The following AGAP1 variants were observed in gnomAD, a reference collection of about 807,000 sequenced individuals.
The protein encoded by AGAP1 is ArfGAP with GTPase domain, ankyrin repeat and PH domain 1.
A neutral mutation model predicts 105.3 loss-of-function variants in AGAP1; 29 were observed. The ratio of observed to expected loss-of-function variants is 0.28; its 90% CI spans 0.21 to 0.38. The LOEUF (loss-of-function observed/expected upper bound fraction) is 0.38. Ranked by LOEUF, AGAP1 falls within the 10% of genes least tolerant of loss-of-function variation. AGAP1 has a pLI of 1.00. For synonymous variants in AGAP1, 509 were observed against 485.9 expected, an observed-to-expected ratio of 1.05 and a Z score of -0.63; for missense variants, 998 against 1,165.1, an observed-to-expected ratio of 0.86 and a Z score of 2.09.
chr2:236,100,917 G>A (rs1345087347), intron 16 of AGAP1, among the ~76,000 whole-genome samples: 2 of 152,056 alleles, frequency 1.3e-5, no homozygotes, highest in Non-Finnish European at 2.9e-5. Context: ...CATCCAGTCT[G>A]TAATAAAATT....
At chr2:235,932,796 C>T (rs985003645) in intron 12 of AGAP1, among the ~76,000 whole-genome samples, 1 of 152,178 alleles carries the variant, frequency 6.6e-6, no homozygotes, top group Non-Finnish European at 1.5e-5. Flanking sequence ...GTTTCCACAC[C>T]GCCACATCGT....
chr2:235,562,395 C>G (rs967073592), intron 1 of AGAP1, among the ~76,000 whole-genome samples: 5 of 152,106 alleles, frequency 3.3e-5, no homozygotes, highest in South Asian at 2.1e-4. Flanking sequence ...CCGAAGCCCC[C>G]TCCCTCTTGT....
At chr2:235,832,590 T>C (rs1464263044) in intron 9 of AGAP1, among the ~76,000 whole-genome samples, 1 of 152,248 alleles carries the variant, frequency 6.6e-6, no homozygotes, top group African/African-American at 2.4e-5. Context: ...CATTCTAGAC[T>C]TCATTGCAGC....
intron 9 of AGAP1, among the ~76,000 whole-genome samples, chr2:235,880,822 G>C (rs2049983993): frequency 6.6e-6 from 1 of 152,132 alleles, no homozygotes; most frequent in Non-Finnish European, 1.5e-5. Flanking sequence ...CACTGAAGAG[G>C]GGTCTCTCAT....
intron 9 of AGAP1, among the ~76,000 whole-genome samples, chr2:235,828,300 G>T (rs1959169318): frequency 6.6e-6 from 1 of 151,948 alleles, no homozygotes; most frequent in African/African-American, 2.4e-5. Flanking sequence ...TCTTTTTTTG[G>T]TCACCAGTGT....
chr2:235,656,332 A>G (rs2149331876), intron 1 of AGAP1, among the ~76,000 whole-genome samples: 1 of 152,346 alleles, frequency 6.6e-6, no homozygotes, highest in African/African-American at 2.4e-5. Flanking sequence ...GGTTTACATG[A>G]AGCTAATTGT....
chr2:235,562,451 C>T lies in AGAP1; in HGVS notation c.163+67602C>T, dbSNP rs192425362. Among the ~76,000 whole-genome samples the T allele has an allele frequency of 2.0e-3, 310 of 152,170 alleles. 4 individuals carry two copies. Among genetic ancestry groups the T allele is most frequent in the African/African-American group, 7.0e-3 (291 of 41,506 alleles). Reference sequence around the variant, plus strand: ...CTGTTCCTGAATAGCACGGATTGCACGTGTTTCTGAGCATGGTGTGTGAGA... The same window carrying T: ...CTGTTCCTGAATAGCACGGATTGCATGTGTTTCTGAGCATGGTGTGTGAGA... On this transcript the variant is annotated intron_variant, in intron 1 of 17. Transcript: ENST00000304032.
In AGAP1 at chr2:236,104,577, T is replaced by C. The variant is rs1294147511; in HGVS notation, c.2115-15615T>C. Among the ~76,000 whole-genome samples, 1 of 152,144 alleles carries C rather than the reference T, an allele frequency of 6.6e-6. No homozygotes were observed. The highest frequency in any genetic ancestry group is 1.9e-4 in the East Asian group (1 of 5,190). ...CACAGCCCTCTGGCCTCTTAGAGAA[T>C]CCAACTTGGGTTACAAAGACAAGCG... On this transcript the variant is annotated intron_variant, in intron 16 of 17. Coordinates refer to ENST00000304032, the MANE Select transcript of AGAP1 (RefSeq NM_001037131.3). The surrounding 1 kb of genome is among the most constrained non-coding windows in gnomAD (Gnocchi z 4.7).
chr2:235,636,799 A>G (rs1947017835), intron 1 of AGAP1, among the ~76,000 whole-genome samples: 1 of 152,218 alleles, frequency 6.6e-6, no homozygotes, highest in African/African-American at 2.4e-5. Context: ...GGATGAGGTC[A>G]TGCCAGAGTG....
rs145221243 is a variant in AGAP1 at position 235,932,066 on chromosome 2, G to A, written c.1483+1143G>A. On this transcript the variant is annotated intron_variant, in intron 12 of 17. Coordinates refer to ENST00000304032, the MANE Select transcript of AGAP1 (RefSeq NM_001037131.3). ...GGCTCTCTGCCTCATCTGGAATCACGATGATAACCCTGAAAACCCCAAACA... is the reference window on the plus strand; with the variant it reads ...GGCTCTCTGCCTCATCTGGAATCACAATGATAACCCTGAAAACCCCAAACA... 3.9e-5 allele frequency among the ~76,000 whole-genome samples: 6 copies of A among 152,306 alleles called. No individual in the cohort carries two copies. The East Asian group carries it at 9.7e-4, about 25-fold the overall frequency.
intron 6 of AGAP1, among the ~76,000 whole-genome samples, chr2:235,775,093 G>A (rs1050417179): frequency 2.0e-5 from 3 of 152,184 alleles, no homozygotes; most frequent in African/African-American, 7.2e-5. Flanking sequence ...AAGGGGCATC[G>A]GAGATTGTCC....
rs1207268505 is a variant in AGAP1 at position 236,050,776 on chromosome 2, T to C, written c.2114+1495T>C. On this transcript the variant is annotated intron_variant, in intron 16 of 17. Coordinates refer to ENST00000304032, the MANE Select transcript of AGAP1 (RefSeq NM_001037131.3). The surrounding 1 kb of genome is among the most constrained non-coding windows in gnomAD (Gnocchi z 4.0). ...AGCACATTCACTATTTTTAATATCATGAATTATTAGAAAAGTTTGTTTATC... is the reference window on the plus strand; with the variant it reads ...AGCACATTCACTATTTTTAATATCACGAATTATTAGAAAAGTTTGTTTATC... Among the ~76,000 whole-genome samples, 3 of 152,258 alleles carry C rather than the reference T, an allele frequency of 2.0e-5. No homozygotes were observed. Among genetic ancestry groups the C allele is most frequent in the Non-Finnish European group, 2.9e-5 (2 of 68,048 alleles).
At chr2:235,966,711 G>A (rs1559704366) in intron 12 of AGAP1, among the ~76,000 whole-genome samples, 3 of 152,104 alleles carry the variant, frequency 2.0e-5, no homozygotes, top group Admixed American at 1.3e-4. Context: ...CTGCCCTGCA[G>A]GAGCCCTGGG....
intron 1 of AGAP1, among the ~76,000 whole-genome samples, chr2:235,500,751 G>A (rs1327496467): frequency 6.6e-6 from 1 of 152,124 alleles, no homozygotes; most frequent in Non-Finnish European, 1.5e-5. Context: ...GGGGCCTGTC[G>A]TGCCAGACCC....
chr2:235,705,562 T>C lies in AGAP1; in HGVS notation c.164-3617T>C, dbSNP rs1236546757. Among the ~76,000 whole-genome samples the C allele has an allele frequency of 6.6e-6, 1 of 151,962 alleles. No individual in the cohort carries two copies. The highest frequency in any genetic ancestry group is 1.5e-5 in the Non-Finnish European group (1 of 67,984). Reference sequence around the variant, plus strand: ...CCACAGATAGGTCCCTGTAGTGGAGTAGGAGGAAGGACTATTTTGGTATGC... The same window carrying C: ...CCACAGATAGGTCCCTGTAGTGGAGCAGGAGGAAGGACTATTTTGGTATGC... On this transcript the variant is annotated intron_variant, in intron 1 of 17. Coordinates refer to ENST00000304032, the MANE Select transcript of AGAP1 (RefSeq NM_001037131.3). The surrounding 1 kb of genome is among the most constrained non-coding windows in gnomAD (Gnocchi z 4.9).
At position 235,965,867 on chromosome 2, in the gene AGAP1, AC is replaced by A. The variant is rs1326916076; in HGVS notation, c.1484-2593del. 6.6e-6 allele frequency among the ~76,000 whole-genome samples: 1 copy of A among 152,176 alleles called. No homozygotes were observed. The highest frequency in any genetic ancestry group is 1.5e-5 in the Non-Finnish European group (1 of 68,018). On this transcript the variant is annotated intron_variant, in intron 12 of 17. Coordinates refer to ENST00000304032, the MANE Select transcript of AGAP1 (RefSeq NM_001037131.3). The surrounding 1 kb of genome is among the most constrained non-coding windows in gnomAD (Gnocchi z 5.8). ...GGAGAGGGAGGAATGAGTGGAAGTG[AC>A]CTGGCCAAGACACCTGAGGATGAAA...
In AGAP1 at chr2:236,126,106, A is replaced by T. The variant is rs1302779772; in HGVS notation, c.*1984A>T. 1 of 152,228 alleles carries T rather than the reference A, an allele frequency of 6.6e-6. No homozygotes were observed. The highest frequency in any genetic ancestry group is 1.5e-5 in the Non-Finnish European group (1 of 68,036). The allele number at this position is 152,228 out of a possible 1,614,324, so 9.4% of individuals were successfully genotyped here. A position where few individuals can be genotyped will look rare whatever the true frequency, so the allele number is the denominator to read the frequency against. On this transcript the variant is annotated 3_prime_UTR_variant, in exon 18 of 18. Coordinates refer to ENST00000304032, the MANE Select transcript of AGAP1 (RefSeq NM_001037131.3). ...GAATTTATATGTGGGTAAGTGTTTC[A>T]TGGAAATTTCTAATCTTAACGAAGC...
Position 235,739,875 on chromosome 2 carries a change from G to A in AGAP1, c.311-1088G>A, listed in dbSNP as rs930524786. Among the ~76,000 whole-genome samples the A allele has an allele frequency of 2.6e-5, 4 of 152,218 alleles. No homozygotes were observed. Among genetic ancestry groups the A allele is most frequent in the African/African-American group, 9.6e-5 (4 of 41,460 alleles). ...CCCGTCGCAGGGGAGGGAATCAGAC[G>A]TCGCTCTGGGCGGCAGTGGAGCTGG... On this transcript the variant is annotated intron_variant, in intron 3 of 17. Transcript: ENST00000304032. The surrounding 1 kb of genome is among the most constrained non-coding windows in gnomAD (Gnocchi z 5.3).
At chr2:235,687,386 C>A (rs544295687) in intron 1 of AGAP1, among the ~76,000 whole-genome samples, 1 of 152,234 alleles carries the variant, frequency 6.6e-6, no homozygotes, top group African/African-American at 2.4e-5. Context: ...AGTGCTAACC[C>A]AAACCTTTCA....
Sources: allele counts gnomAD v4.1 joint callset (sites outside exome capture counted in the v4.1 genomes callset), GRCh38; gene constraint gnomAD v4.1.1; non-coding constraint Gnocchi (gnomAD v3.1); transcripts MANE v1.5; gene names NCBI Gene and HGNC (gene_info 2026-07-23, HGNC 2026-07-21).